NOSTRIN: variants seen among roughly 807,000 people sequenced by gnomAD.
NOSTRIN encodes BM247 homolog.
In NOSTRIN, 63 loss-of-function variants were observed where a neutral mutation model predicts 59.0. That is an observed-to-expected ratio of 1.07 (90% confidence interval 0.87 to 1.32). NOSTRIN has a LOEUF of 1.32. NOSTRIN is among the 40% of genes most tolerant of loss of function. NOSTRIN has a pLI of 0.00. For missense variants in NOSTRIN, 512 were observed against 473.1 expected, an observed-to-expected ratio of 1.08 and a Z score of -0.76; for synonymous variants, 200 against 165.4, an observed-to-expected ratio of 1.21 and a Z score of -1.61.
At chr2:168,827,056 T>C (rs755040473) in intron 3 of NOSTRIN, among the ~76,000 whole-genome samples, 4 of 152,224 alleles carry the variant, frequency 2.6e-5, no homozygotes, top group Non-Finnish European at 5.9e-5. Flanking sequence ...AGTTCTCTTA[T>C]TCTTAGACTG....
intron 1 of NOSTRIN, among the ~76,000 whole-genome samples, chr2:168,806,944 C>G (rs1243994417): frequency 1.3e-5 from 2 of 152,142 alleles, no homozygotes; most frequent in African/African-American, 4.8e-5. Context: ...TTGGAGTAAA[C>G]TTACTGTGAT....
chr2:168,819,944 C>T (rs941283484), intron 2 of NOSTRIN, among the ~76,000 whole-genome samples: 3 of 152,174 alleles, frequency 2.0e-5, no homozygotes, highest in Non-Finnish European at 4.4e-5. Context: ...TGCACAGATG[C>T]CTTTGGAACA....
At position 168,842,898 on chromosome 2, in the gene NOSTRIN, CAT is replaced by C. The variant is rs1263122679; in HGVS notation, c.505-91_505-90del. 5.9e-5 allele frequency: 46 copies of C among 783,162 alleles called. No individual in the cohort carries two copies. The East Asian group carries it at 1.1e-3, about 19-fold the overall frequency. 48.5% of individuals were successfully genotyped at this position (783,162 alleles called of 1,614,324 possible). On this transcript the variant is annotated intron_variant, in intron 7 of 15. Transcript: ENST00000317647. ...ATGACTCTACGTGAGAGGTGAGAAACATATCATTGAGCCACATATAATTATTA... is the reference window on the plus strand; with the variant it reads ...ATGACTCTACGTGAGAGGTGAGAAACATCATTGAGCCACATATAATTATTA...
chr2:168,821,860 T>C (rs1297542073), intron 2 of NOSTRIN, among the ~76,000 whole-genome samples: 2 of 152,382 alleles, frequency 1.3e-5, no homozygotes, highest in East Asian at 1.9e-4. Context: ...TCGGAGAGGC[T>C]GCCGGAGTCA....
intron 2 of NOSTRIN, among the ~76,000 whole-genome samples, chr2:168,820,489 C>T (rs1200896598): frequency 6.6e-6 from 1 of 152,122 alleles, no homozygotes; most frequent in Admixed American, 6.5e-5. Flanking sequence ...TGTCAGGAGA[C>T]CACTGTCTGG....
chr2:168,821,424 C>T (rs1164537792), intron 2 of NOSTRIN, among the ~76,000 whole-genome samples: 2 of 152,210 alleles, frequency 1.3e-5, no homozygotes, highest in African/African-American at 4.8e-5. Context: ...GGTGGGAAGT[C>T]CATTCACTTA....
At chr2:168,820,284 C>T (rs1446407530) in intron 2 of NOSTRIN, among the ~76,000 whole-genome samples, 2 of 152,168 alleles carry the variant, frequency 1.3e-5, no homozygotes, top group African/African-American at 4.8e-5. Context: ...CCTTGGTGTT[C>T]CGTTCCATGA....
chr2:168,799,784 C>T (rs137992015), upstream of NOSTRIN, among the ~76,000 whole-genome samples: 490 of 152,336 alleles, frequency 3.2e-3, 10 homozygotes, highest in African/African-American at 0.011. Context: ...CAGCCACCTG[C>T]TCCTTGTCCT....
chr2:168,790,267 T>C (rs1464423529), intron 2 of NOSTRIN, among the ~76,000 whole-genome samples: 1 of 152,194 alleles, frequency 6.6e-6, no homozygotes, highest in Non-Finnish European at 1.5e-5. Flanking sequence ...AATGGGAAAC[T>C]ATGAGTTCAT....
intron 15 of NOSTRIN, among the ~76,000 whole-genome samples, chr2:168,864,267 G>A (rs1358109132): frequency 7.9e-6 from 1 of 126,350 alleles, no homozygotes; most frequent in African/African-American, 3.2e-5. Context: ...GTCAGCCACC[G>A]TGCCTGGCTG....
chr2:168,845,564 C>T (rs1430452238), intron 8 of NOSTRIN, among the ~76,000 whole-genome samples: 1 of 152,166 alleles, frequency 6.6e-6, no homozygotes, highest in Non-Finnish European at 1.5e-5. Context: ...GCCTCTCCTT[C>T]ATCTCAGTTT....
At chr2:168,841,410 G>A (rs1688102459) in intron 7 of NOSTRIN, among the ~76,000 whole-genome samples, 1 of 152,178 alleles carries the variant, frequency 6.6e-6, no homozygotes, top group South Asian at 2.1e-4. Flanking sequence ...CTGGCCCAGG[G>A]AGTTTTATAT....
At chr2:168,841,235 CAAAAAAAA>C (rs57480764) in intron 7 of NOSTRIN, among the ~76,000 whole-genome samples, 1,424 of 106,534 alleles carry the variant, frequency 0.013, 21 homozygotes, top group African/African-American at 0.047. Flanking sequence ...ACCCTGTCTC[CAAAAAAAA>C]AAAAAAAAAA....
intron 10 of NOSTRIN, among the ~76,000 whole-genome samples, chr2:168,852,588 C>A (rs1015038642): frequency 6.6e-6 from 1 of 152,204 alleles, no homozygotes; most frequent in Admixed American, 6.5e-5. Context: ...GGGTGTCACT[C>A]TTCTCCGATA....
At chr2:168,794,942 C>G (rs1685444136), upstream of NOSTRIN, among the ~76,000 whole-genome samples, 1 of 152,090 alleles carries the variant, frequency 6.6e-6, no homozygotes, top group African/African-American at 2.4e-5. Flanking sequence ...TATAAAATTT[C>G]AAAAGTGCAA....
chr2:168,856,645 C>CT, intron 11 of NOSTRIN, 45 bp from the exon 12 acceptor site: 1 of 1,562,310 alleles, frequency 6.4e-7, no homozygotes, highest in Admixed American at 1.7e-5. Flanking sequence ...CTGTGTCCCA[C>CT]TGAGACAGTG....
intron 12 of NOSTRIN, among the ~76,000 whole-genome samples, chr2:168,857,218 G>T (rs564550346): frequency 1.3e-5 from 2 of 152,310 alleles, no homozygotes; most frequent in South Asian, 4.2e-4. Flanking sequence ...GCTTTTGTGA[G>T]GGTGAAATAT....
At chr2:168,843,165 G>A (rs763075185) in intron 8 of NOSTRIN, 48 bp downstream of exon 8, 1 of 838,442 alleles carries the variant, frequency 1.2e-6, no homozygotes, top group Non-Finnish European at 2.1e-6. Flanking sequence ...AGCTTTGTGT[G>A]ACCTTGAAGA....
At chr2:168,790,668 A>G (rs535799996) in intron 2 of NOSTRIN, among the ~76,000 whole-genome samples, 1 of 152,248 alleles carries the variant, frequency 6.6e-6, no homozygotes, top group African/African-American at 2.4e-5. Flanking sequence ...CAGAGTGGAA[A>G]CTAAAGAAAC....
Sources: allele counts gnomAD v4.1 joint callset (sites outside exome capture counted in the v4.1 genomes callset), GRCh38; gene constraint gnomAD v4.1.1; transcripts MANE v1.5; gene names NCBI Gene and HGNC (gene_info 2026-07-23, HGNC 2026-07-21).